Variants in HDAC9 observed in about 807,000 individuals in gnomAD.
HDAC9 encodes histone deacetylase 9.
HDAC9 carries 41 observed loss-of-function variants against 139.4 expected under a neutral mutation model. The observed-to-expected ratio is 0.29, with a 90% CI of 0.23 to 0.38. The LOEUF is 0.38. Among genes scored for constraint, HDAC9 ranks in the 10% least tolerant of loss-of-function variants. The pLI is 1.00. For missense variants in HDAC9, 1,147 were observed against 1,297.0 expected (o/e 0.88, Z 1.78); for synonymous variants, 517 against 476.2 (o/e 1.09, Z -1.12).
chr7:18,299,220 A>AT (rs11438085), intron 1 of HDAC9, among the ~76,000 whole-genome samples: 31,096 of 138,946 alleles, frequency 0.22, 3,476 homozygotes, highest in East Asian at 0.29. Flanking sequence ...AACTCTTAAG[A>AT]TTTTTTTTTT....
chr7:18,648,632 G>C lies in HDAC9; in HGVS notation c.1416G>C (p.Gln472His). 2 of 1,613,370 alleles carry C rather than the reference G, an allele frequency of 1.2e-6. No homozygotes were observed. Among genetic ancestry groups the C allele is most frequent in the Non-Finnish European group, 1.7e-6 (2 of 1,179,652 alleles). Residue 472 changes from glutamine (Q) to histidine (H), a missense_variant, in exon 11 of 26, where the codon CAG becomes CAC. Gln to His is a conservative substitution (Grantham distance 24, BLOSUM62 0). Around this residue, in one of 7 missense-constraint regions of HDAC9, gnomAD observed 256 missense variants for 219.2 expected, o/e 1.17. Transcript: ENST00000686413. ...AGCTGGTCATTCAACAGCAACACCA[G>C]CAATTCTTGGAGAAGCAGAAGCAAT... ...LAQLVIQQQHQQFLEKQKQYQ... is the reference protein window; with the variant it reads ...LAQLVIQQQHHQFLEKQKQYQ...
chr7:18,253,487 A>G (rs112803495), intron 2 of HDAC9, among the ~76,000 whole-genome samples: 5,509 of 151,734 alleles, frequency 0.036, 341 homozygotes, highest in African/African-American at 0.13. Flanking sequence ...TTTCATTTTC[A>G]TTTTTCTAAT....
At position 18,424,368 on chromosome 7, in the gene HDAC9, A is replaced by G. The variant is rs577832976; in HGVS notation, c.-41-71894A>G. Among the ~76,000 whole-genome samples, 6 of 152,336 alleles carry G rather than the reference A, an allele frequency of 3.9e-5. No individual in the cohort carries two copies. The East Asian group carries it at 7.7e-4, about 20-fold the overall frequency. On this transcript the variant is annotated intron_variant, in intron 1 of 3. Transcript: ENST00000413509. ...GTAATTTTACTCATTTGTATAATGAAAATAATTATACCTACTTCATCAGGA... is the reference window on the plus strand; with the variant it reads ...GTAATTTTACTCATTTGTATAATGAGAATAATTATACCTACTTCATCAGGA...
intron 23 of HDAC9, among the ~76,000 whole-genome samples, chr7:18,952,504 A>G (rs1782868524): frequency 6.6e-6 from 1 of 152,040 alleles, no homozygotes; most frequent in African/African-American, 2.4e-5. Flanking sequence ...ATTGGAACAT[A>G]GAGTGTCATT....
At chr7:18,553,554 A>T (rs1212159893) in intron 2 of HDAC9, among the ~76,000 whole-genome samples, 3 of 152,210 alleles carry the variant, frequency 2.0e-5, no homozygotes, top group African/African-American at 7.2e-5. Context: ...CACTTTTCAT[A>T]ACATATTAGG....
chr7:18,717,485 A>G (rs1161536434), intron 12 of HDAC9, among the ~76,000 whole-genome samples: 1 of 143,442 alleles, frequency 7.0e-6, no homozygotes, highest in Non-Finnish European at 1.5e-5. Context: ...AGGCTGGAGT[A>G]CAGTGGCGCG....
intron 21 of HDAC9, among the ~76,000 whole-genome samples, chr7:18,872,793 C>T (rs1799029811): frequency 6.6e-6 from 1 of 151,910 alleles, no homozygotes; most frequent in Non-Finnish European, 1.5e-5. Context: ...TGAATTGTGC[C>T]TTGAAGGATG....
At chr7:18,904,669 G>T (rs1007009637) in intron 22 of HDAC9, among the ~76,000 whole-genome samples, 1 of 147,730 alleles carries the variant, frequency 6.8e-6, no homozygotes, top group Non-Finnish European at 1.5e-5. Context: ...TCCGCCTCCC[G>T]GGTTCACGCC....
At chr7:18,806,323 C>A (rs985245938) in intron 17 of HDAC9, among the ~76,000 whole-genome samples, 35 of 152,202 alleles carry the variant, frequency 2.3e-4, no homozygotes, top group African/African-American at 8.4e-4. Flanking sequence ...TGGGCCAAAT[C>A]AAGATGTCAG....
At chr7:18,553,318 G>T (rs1437310048) in intron 2 of HDAC9, among the ~76,000 whole-genome samples, 3 of 152,026 alleles carry the variant, frequency 2.0e-5, no homozygotes, top group Non-Finnish European at 2.9e-5. Flanking sequence ...AAAACCTTAA[G>T]AACCCTATGT....
intron 2 of HDAC9, among the ~76,000 whole-genome samples, chr7:18,223,754 A>T: frequency 1.3e-5 from 2 of 152,090 alleles, no homozygotes; most frequent in South Asian, 4.2e-4. Context: ...ATATACTCTT[A>T]TTATAATAAT....
intron 12 of HDAC9, chr7:18,668,659 G>C: frequency 1.0e-6 from 1 of 982,686 alleles, no homozygotes; most frequent in Non-Finnish European, 1.2e-6. Context: ...GAAAAGGAAA[G>C]CTGGACTTAA....
At chr7:18,318,455 A>G (rs79535198) in intron 1 of HDAC9, among the ~76,000 whole-genome samples, 69 of 152,330 alleles carry the variant, frequency 4.5e-4, no homozygotes, top group East Asian at 3.1e-3. Flanking sequence ...GCAATAACTA[A>G]TGAATAACTT....
At chr7:18,472,437 C>T (rs532132452) in intron 1 of HDAC9, among the ~76,000 whole-genome samples, 9 of 152,234 alleles carry the variant, frequency 5.9e-5, no homozygotes, top group African/African-American at 1.9e-4. Flanking sequence ...GCGCAACCCC[C>T]GGAAGCTCAG....
At chr7:18,893,911 A>G (rs947300842) in intron 22 of HDAC9, among the ~76,000 whole-genome samples, 15 of 152,198 alleles carry the variant, frequency 9.9e-5, no homozygotes, top group African/African-American at 3.1e-4. Flanking sequence ...GGGAACAGAA[A>G]GGGCAATAGC....
intron 1 of HDAC9, among the ~76,000 whole-genome samples, chr7:18,409,423 A>C (rs183284128): frequency 6.6e-6 from 1 of 152,004 alleles, no homozygotes; most frequent in Non-Finnish European, 1.5e-5. Flanking sequence ...CCTTTTTTTC[A>C]CAGAAAGTGA....
intron 1 of HDAC9, among the ~76,000 whole-genome samples, chr7:18,146,839 A>T (rs1786374627): frequency 6.6e-6 from 1 of 152,178 alleles, no homozygotes; most frequent in South Asian, 2.1e-4. Context: ...CAAGAAGCAG[A>T]ACAGTCATTT....
chr7:18,460,542 T>G (rs1187088275), intron 1 of HDAC9, among the ~76,000 whole-genome samples: 1 of 152,024 alleles, frequency 6.6e-6, no homozygotes, highest in Non-Finnish European at 1.5e-5. Flanking sequence ...CCCAGCACTT[T>G]CAGAGGCTGA....
At chr7:18,553,893 C>A (rs190231192) in intron 2 of HDAC9, among the ~76,000 whole-genome samples, 2 of 152,178 alleles carry the variant, frequency 1.3e-5, no homozygotes, top group Admixed American at 1.3e-4. Flanking sequence ...AAGTTAAATG[C>A]CGTCTTTATC....
Sources: allele counts gnomAD v4.1 joint callset (sites outside exome capture counted in the v4.1 genomes callset), GRCh38; gene constraint gnomAD v4.1.1; regional missense constraint gnomAD v4.1.1; transcripts MANE v1.5; gene names NCBI Gene and HGNC (gene_info 2026-07-23, HGNC 2026-07-21).